The following WWP2 variants were observed in gnomAD, a reference collection of about 807,000 sequenced individuals.
WWP2 encodes the protein WW domain containing E3 ubiquitin protein ligase 2.
A neutral mutation model predicts 121.0 loss-of-function variants in WWP2; 57 were observed. The observed-to-expected ratio is 0.47, with a 90% CI of 0.38 to 0.59. WWP2 has a LOEUF of 0.59. WWP2 is among the 20% of genes least tolerant of loss of function. The pLI is 0.00. For synonymous variants in WWP2, 449 were observed against 441.3 expected (o/e 1.02, Z -0.22); for missense variants, 962 against 1,158.9 (o/e 0.83, Z 2.47).
chr16:69,920,184 A>C (rs564595572), intron 10 of WWP2, among the ~76,000 whole-genome samples: 2 of 152,266 alleles, frequency 1.3e-5, no homozygotes, highest in East Asian at 3.9e-4. Flanking sequence ...TGCTCATTGT[A>C]CAGGGAGGAA....
At chr16:69,866,843 TTTA>T (rs1188395075) in intron 6 of WWP2, among the ~76,000 whole-genome samples, 3 of 150,690 alleles carry the variant, frequency 2.0e-5, no homozygotes, top group African/African-American at 7.3e-5. Context: ...TATTTATTTA[TTTA>T]TTTATTTTTG....
chr16:69,782,601 G>A (rs1332392070), intron 1 of WWP2, among the ~76,000 whole-genome samples: 3 of 152,184 alleles, frequency 2.0e-5, no homozygotes, highest in East Asian at 3.8e-4. Flanking sequence ...AGAGTTTGGT[G>A]TTGTATTCCA....
rs1040148493 is a variant in WWP2, at chr16:69,792,203, G to A, written c.70+5123G>A. Among the ~76,000 whole-genome samples, 12 of 152,174 alleles carry A rather than the reference G, an allele frequency of 7.9e-5. No homozygotes were observed. The East Asian group carries it at 1.5e-3, about 20-fold the overall frequency. ...TTTAAGGTATATTTTTAAATGCATC[G>A]AGGCCCTTAAACGTAGGACAGCTAT... is the stretch of plus-strand genomic sequence containing the variant. On this transcript the variant is annotated intron_variant, in intron 2 of 23. Coordinates refer to ENST00000359154, the MANE Select transcript of WWP2 (RefSeq NM_001270454.2).
chr16:69,787,006 A>G lies in WWP2; in HGVS notation c.-5A>G. Reference sequence around the variant, plus strand: ...CTGTTTGTCTTACAGCTTCACGGTGATGATATGGCATCTGCCAGCTCTAGC... The same window carrying G: ...CTGTTTGTCTTACAGCTTCACGGTGGTGATATGGCATCTGCCAGCTCTAGC... On this transcript the variant is annotated 5_prime_UTR_variant, in exon 2 of 24. The change abolishes an upstream ATG in the 5' untranslated region. Transcript: ENST00000359154. The G allele has an allele frequency of 6.2e-7, 1 of 1,610,440 alleles. No individual in the cohort carries two copies. Among genetic ancestry groups the G allele is most frequent in the South Asian group, 1.1e-5 (1 of 89,878 alleles).
intron 4 of WWP2, among the ~76,000 whole-genome samples, chr16:69,804,046 A>G (rs899350510): frequency 1.3e-5 from 2 of 152,148 alleles, no homozygotes; most frequent in African/African-American, 4.8e-5. Context: ...TCATTTTTAT[A>G]TTGAAGTGTG....
In WWP2 at chr16:69,827,188, T is replaced by C. The variant is rs1203629708; in HGVS notation, c.341-12938T>C. Among the ~76,000 whole-genome samples, 3 of 151,784 alleles carry C rather than the reference T, an allele frequency of 2.0e-5. 1 individual carries two copies. Among genetic ancestry groups the C allele is most frequent in the East Asian group, 1.9e-4 (1 of 5,172 alleles). On this transcript the variant is annotated intron_variant, in intron 4 of 23. Transcript: ENST00000359154. ...AAAACTACTGTGGAATTAATGGAAATTGAACAAAGAAAATCTTTGTTTCAT... is the reference window on the plus strand; with the variant it reads ...AAAACTACTGTGGAATTAATGGAAACTGAACAAAGAAAATCTTTGTTTCAT...
chr16:69,812,475 C>CA (rs1373105860), intron 4 of WWP2, among the ~76,000 whole-genome samples: 5 of 133,686 alleles, frequency 3.7e-5, no homozygotes, highest in African/African-American at 1.8e-4. Context: ...CCAACCCCCC[C>CA]CCTTTTTTTT....
intron 13 of WWP2, among the ~76,000 whole-genome samples, chr16:69,930,568 G>A (rs1234238772): frequency 1.3e-5 from 2 of 152,202 alleles, no homozygotes; most frequent in Non-Finnish European, 2.9e-5. Context: ...ATGTGGTGGT[G>A]CATGCCTGTA....
chr16:69,835,684 T>C (rs1259819583), intron 4 of WWP2, among the ~76,000 whole-genome samples: 1 of 152,332 alleles, frequency 6.6e-6, no homozygotes, highest in East Asian at 1.9e-4. Context: ...TCATGACACT[T>C]TAATCCCCAA....
chr16:69,848,050 A>G (rs1284752480), intron 6 of WWP2, among the ~76,000 whole-genome samples: 1 of 152,248 alleles, frequency 6.6e-6, no homozygotes, highest in African/African-American at 2.4e-5. Flanking sequence ...CATACAGGGA[A>G]ATGGAACAAC....
intron 8 of WWP2, among the ~76,000 whole-genome samples, chr16:69,891,565 A>G (rs7185659): frequency 0.037 from 5,667 of 152,270 alleles, 295 homozygotes; most frequent in African/African-American, 0.12. Flanking sequence ...CAGGTCAGGT[A>G]CTGGGTATGG....
intron 7 of WWP2, among the ~76,000 whole-genome samples, chr16:69,886,445 C>T (rs1249942205): frequency 1.3e-5 from 2 of 150,996 alleles, no homozygotes; most frequent in African/African-American, 4.9e-5. Context: ...ATCAGCCTCA[C>T]ATGAAGAAAA....
At chr16:69,782,353 T>C (rs1389467359) in intron 1 of WWP2, among the ~76,000 whole-genome samples, 1 of 151,694 alleles carries the variant, frequency 6.6e-6, no homozygotes, top group Non-Finnish European at 1.5e-5. Flanking sequence ...TGAGAAGAGG[T>C]AGAACATTGA....
intron 10 of WWP2, among the ~76,000 whole-genome samples, chr16:69,924,096 G>T (rs1219194400): frequency 6.6e-6 from 1 of 152,258 alleles, no homozygotes; most frequent in African/African-American, 2.4e-5. Context: ...GCCCTGCCCT[G>T]AAAGGGGGCT....
rs943006863 is a variant in WWP2 at position 69,820,821 on chromosome 16, CAT to C, written c.341-19301_341-19300del. 4.4e-4 allele frequency among the ~76,000 whole-genome samples: 56 copies of C among 126,516 alleles called. 1 individual carries two copies. The highest frequency in any genetic ancestry group is 1.4e-3 in the Admixed American group (16 of 11,046). The allele number at this position is 126,516 out of a possible 152,430, so 83.0% of individuals were successfully genotyped here. ...TACAACACAAAACCATGAATACATG[CAT>C]ATACACACACACACACACACACACA... is the stretch of plus-strand genomic sequence containing the variant. On this transcript the variant is annotated intron_variant, in intron 4 of 23. Coordinates refer to ENST00000359154, the MANE Select transcript of WWP2 (RefSeq NM_001270454.2).
intron 7 of WWP2, among the ~76,000 whole-genome samples, chr16:69,885,409 G>C (rs1049822508): frequency 1.3e-5 from 2 of 152,110 alleles, no homozygotes; most frequent in African/African-American, 4.8e-5. Flanking sequence ...AACTAATTTA[G>C]CCTGTGTACC....
chr16:69,797,656 A>G (rs1375086306), intron 2 of WWP2, among the ~76,000 whole-genome samples: 2 of 152,116 alleles, frequency 1.3e-5, no homozygotes, highest in Non-Finnish European at 2.9e-5. Context: ...TGGGAGGCCA[A>G]GGTAGGCAGA....
In WWP2 at chr16:69,786,999, C is replaced by T; in HGVS notation, c.-12C>T. ...CTTTTTTCTGTTTGTCTTACAGCTT[C>T]ACGGTGATGATATGGCATCTGCCAG... is the stretch of plus-strand genomic sequence containing the variant. On this transcript the variant is annotated 5_prime_UTR_variant, in exon 2 of 24. Transcript: ENST00000359154. 6.2e-7 allele frequency: 1 copy of T among 1,609,376 alleles called. No homozygotes were observed. Among genetic ancestry groups the T allele is most frequent in the Non-Finnish European group, 8.5e-7 (1 of 1,178,230 alleles).
chr16:69,798,534 C>A, intron 2 of WWP2, 148 bp from the exon 3 acceptor site: 2 of 823,980 alleles, frequency 2.4e-6, no homozygotes, highest in African/African-American at 1.8e-5. Context: ...ACTCACATTT[C>A]TTTAAAAAGT....
Sources: allele counts gnomAD v4.1 joint callset (sites outside exome capture counted in the v4.1 genomes callset), GRCh38; gene constraint gnomAD v4.1.1; transcripts MANE v1.5; gene names NCBI Gene and HGNC (gene_info 2026-07-23, HGNC 2026-07-21).